Variants in EML5 observed in about 807,000 individuals in gnomAD.
EML5 encodes echinoderm microtubule-associated protein-like 5.
In EML5, 120 loss-of-function variants were observed where a neutral mutation model predicts 250.0. The observed-to-expected ratio is 0.48, with a 90% CI of 0.41 to 0.56. The LOEUF (loss-of-function observed/expected upper bound fraction) is 0.56, where lower values mean the gene tolerates loss of function less well. Ranked by LOEUF, EML5 falls within the 20% of genes least tolerant of loss-of-function variation. EML5 has a pLI of 0.00. For synonymous variants in EML5, 771 were observed against 806.5 expected (o/e 0.96, Z 0.75); for missense variants, 2,006 against 2,437.6 (o/e 0.82, Z 3.73).
At chr14:88,636,829 A>G (rs903343965) in intron 32 of EML5, among the ~76,000 whole-genome samples, 2 of 152,220 alleles carry the variant, frequency 1.3e-5, no homozygotes, top group Non-Finnish European at 2.9e-5. Context: ...TTGTATATGA[A>G]GAACCACTTT....
chr14:88,618,875 A>C, intron 39 of EML5, 63 bp from the exon 40 acceptor site: 4 of 1,463,906 alleles, frequency 2.7e-6, no homozygotes, highest in Non-Finnish European at 2.7e-6. Flanking sequence ...ACTTAAGATC[A>C]GTGACTTTTC....
chr14:88,772,521 GAGGC>G (rs1276665423), intron 1 of EML5, among the ~76,000 whole-genome samples: 1 of 152,204 alleles, frequency 6.6e-6, no homozygotes, highest in Non-Finnish European at 1.5e-5. Flanking sequence ...TTGGGAGGCT[GAGGC>G]AGGCAGATCA....
At chr14:88,686,940 G>GA (rs1156557574) in intron 19 of EML5, among the ~76,000 whole-genome samples, 3 of 152,162 alleles carry the variant, frequency 2.0e-5, no homozygotes, top group Non-Finnish European at 4.4e-5. Context: ...TGATAAATGT[G>GA]ATGTTCACAT....
At chr14:88,733,945 A>G (rs1426171947) in intron 7 of EML5, among the ~76,000 whole-genome samples, 3 of 151,608 alleles carry the variant, frequency 2.0e-5, no homozygotes, top group African/African-American at 7.3e-5. Context: ...TGATAAATTC[A>G]GCTATATGAA....
chr14:88,646,285 C>A (rs540886454), intron 29 of EML5, among the ~76,000 whole-genome samples: 2 of 152,072 alleles, frequency 1.3e-5, no homozygotes, highest in Non-Finnish European at 2.9e-5. Flanking sequence ...GATGTTGATA[C>A]GCAATATGAG....
chr14:88,719,410 T>G (rs1437555001), intron 8 of EML5, among the ~76,000 whole-genome samples: 1 of 152,162 alleles, frequency 6.6e-6, no homozygotes, highest in Non-Finnish European at 1.5e-5. Flanking sequence ...ATGACAATTT[T>G]ATGTATTTAC....
At chr14:88,664,240 GCA>G (rs2092233384) in intron 23 of EML5, among the ~76,000 whole-genome samples, 1 of 142,442 alleles carries the variant, frequency 7.0e-6, no homozygotes, top group Non-Finnish European at 1.5e-5. Context: ...TTGTACCACA[GCA>G]TTCCAGCCTG....
At chr14:88,744,779 C>A (rs757511459) in intron 3 of EML5, among the ~76,000 whole-genome samples, 1 of 151,956 alleles carries the variant, frequency 6.6e-6, no homozygotes, top group East Asian at 1.9e-4. Context: ...TTCTGGTAGT[C>A]GTCATGTTTC....
rs2093805236 is a variant in EML5, at chr14:88,734,249, A to G, written c.1049+2115T>C. 3.3e-5 allele frequency among the ~76,000 whole-genome samples: 5 copies of G among 152,250 alleles called. No homozygotes were observed. The South Asian group carries it at 1.0e-3, about 32-fold the overall frequency. ...TAAGCACCTTTCTGCCTTTATTATA[A>G]CCAGGATAAACAAATAATTGATGAG... On this transcript the variant is annotated intron_variant, in intron 7 of 43. Transcript: ENST00000554922.
Position 88,740,449 on chromosome 14 carries a change from T to C in EML5, c.649A>G (p.Asn217Asp). The change falls in exon 5 of 44, where the codon AAT becomes GAT. Residue 217 changes from asparagine (N) to aspartate (D), a missense_variant. Physicochemically the swap from Asn to Asp is conservative, Grantham distance 23 (BLOSUM62 1). Around this residue, in one of 7 missense-constraint regions of EML5, gnomAD observed 1,375 missense variants for 1,590.3 expected, o/e 0.86. Transcript: ENST00000554922. ...CCTTTCCAAACATATATATCCCCAT[T>C]GAGTGCACCAGAATATGTTAATTCA... ...RDELTYSGAL[N>D]GDIYVWKGIN... The C allele has an allele frequency of 6.2e-7, 1 of 1,613,838 alleles. No homozygotes were observed. The highest frequency in any genetic ancestry group is 1.7e-5 in the Admixed American group (1 of 60,014).
intron 23 of EML5, among the ~76,000 whole-genome samples, chr14:88,664,200 C>T (rs1342094305): frequency 1.3e-5 from 2 of 149,412 alleles, no homozygotes; most frequent in African/African-American, 4.9e-5. Context: ...TGACTTAAGC[C>T]CAGGAGGTTA....
intron 1 of EML5, among the ~76,000 whole-genome samples, chr14:88,778,663 C>T (rs1193193700): frequency 6.6e-6 from 1 of 152,174 alleles, no homozygotes; most frequent in African/African-American, 2.4e-5. Flanking sequence ...CCTGTAGTCC[C>T]AGCTACTCAG....
At chr14:88,740,337 A>T in intron 5 of EML5, 50 bp downstream of exon 5, 3 of 1,474,616 alleles carry the variant, frequency 2.0e-6, no homozygotes. Context: ...ATTCTAAGAC[A>T]AGGTTAAGTA....
At chr14:88,706,505 C>T (rs2093320014) in intron 10 of EML5, 79 bp from the exon 11 acceptor site, 1 of 1,060,488 alleles carries the variant, frequency 9.4e-7, no homozygotes, top group African/African-American at 1.6e-5. Context: ...ATATATGAAC[C>T]ACTGTATCAT....
chr14:88,730,128 T>A (rs1387003350), intron 7 of EML5, among the ~76,000 whole-genome samples: 1 of 152,166 alleles, frequency 6.6e-6, no homozygotes, highest in Admixed American at 6.5e-5. Context: ...CTTAGAATGT[T>A]ACATTTTTAA....
chr14:88,718,009 G>A (rs1383509207), intron 8 of EML5, among the ~76,000 whole-genome samples: 1 of 152,170 alleles, frequency 6.6e-6, no homozygotes, highest in Non-Finnish European at 1.5e-5. Flanking sequence ...AATTAGGAAA[G>A]CAAAATCAAC....
intron 21 of EML5, among the ~76,000 whole-genome samples, chr14:88,669,809 G>T (rs2092408971): frequency 6.6e-6 from 1 of 152,186 alleles, no homozygotes; most frequent in African/African-American, 2.4e-5. Flanking sequence ...CCCAACAGGG[G>T]TTGCTAGACA....
At chr14:88,659,239 CTCTT>C (rs1406835483) in intron 25 of EML5, among the ~76,000 whole-genome samples, 1 of 146,490 alleles carries the variant, frequency 6.8e-6, no homozygotes, top group Non-Finnish European at 1.5e-5. Flanking sequence ...AATGACGACT[CTCTT>C]TTTTTTTTTT....
In EML5 at chr14:88,738,993, C is replaced by T. The variant is rs760436559; in HGVS notation, c.733G>A (p.Ala245Thr). ...AHAAGIFSMN[A>T]CEEGFATGGR... Reference sequence around the variant, plus strand: ...CCAGTAGCAAAGCCTTCTTCACAAGCATTCATGCTAAAAATTCCTGCCTAG... The same window carrying T: ...CCAGTAGCAAAGCCTTCTTCACAAGTATTCATGCTAAAAATTCCTGCCTAG... Residue 245 changes from alanine (A) to threonine (T), a missense_variant, in exon 6 of 44, where the codon GCT becomes ACT. By Grantham distance (58) the Ala-to-Thr change is moderately conservative. Coordinates refer to ENST00000554922, the MANE Select transcript of EML5 (RefSeq NM_183387.3). The T allele has an allele frequency of 8.1e-6, 13 of 1,603,650 alleles. No individual in the cohort carries two copies. The highest frequency in any genetic ancestry group is 1.1e-5 in the Non-Finnish European group (13 of 1,176,974).
Sources: allele counts gnomAD v4.1 joint callset (sites outside exome capture counted in the v4.1 genomes callset), GRCh38; gene constraint gnomAD v4.1.1; regional missense constraint gnomAD v4.1.1; transcripts MANE v1.5; gene names NCBI Gene and HGNC (gene_info 2026-07-23, HGNC 2026-07-21).